The following RANBP2 variants were observed in gnomAD, a reference collection of about 807,000 sequenced individuals.
The protein encoded by RANBP2 is E3 SUMO-protein ligase RanBP2.
In RANBP2, 57 loss-of-function variants were observed where a neutral mutation model predicts 303.6. The observed-to-expected ratio is 0.19, with a 90% CI of 0.15 to 0.23. The LOEUF (loss-of-function observed/expected upper bound fraction) is 0.23. RANBP2 is among the 10% of genes least tolerant of loss of function. The probability of loss-of-function intolerance (pLI) is 1.00; values close to 1 mark genes in which losing one functional copy is unlikely to be tolerated. For missense variants in RANBP2, 3,138 were observed against 3,780.8 expected, an observed-to-expected ratio of 0.83 and a Z score of 4.46; for synonymous variants, 1,167 against 1,301.5, an observed-to-expected ratio of 0.90 and a Z score of 2.23.
At chr2:109,556,130 T>A in the RANBP2 span, among the ~76,000 whole-genome samples, 196 of 152,322 alleles carry the variant, frequency 1.3e-3, no homozygotes, top group African/African-American at 4.5e-3. Context: ...TTAACCAGCA[T>A]AACCAGCAGA....
the RANBP2 span, among the ~76,000 whole-genome samples, chr2:109,384,315 G>C: frequency 6.6e-6 from 1 of 152,218 alleles, no homozygotes; most frequent in African/African-American, 2.4e-5. Flanking sequence ...ACTCTCCGTG[G>C]AGAAAGTAAC....
chr2:109,527,009 C>T, the RANBP2 span, among the ~76,000 whole-genome samples: 1 of 152,214 alleles, frequency 6.6e-6, no homozygotes, highest in African/African-American at 2.4e-5. Flanking sequence ...CCATAAAGCT[C>T]ACACTTGACA....
At chr2:109,349,328 T>G in the RANBP2 span, among the ~76,000 whole-genome samples, 2 of 152,240 alleles carry the variant, frequency 1.3e-5, no homozygotes, top group African/African-American at 4.8e-5. Flanking sequence ...TCTCCCTTCC[T>G]TTTATCAAGG....
chr2:109,064,483 T>C, the RANBP2 span, among the ~76,000 whole-genome samples: 1 of 115,340 alleles, frequency 8.7e-6, no homozygotes. Context: ...AAAAACAAAC[T>C]GGTAAATGGC....
the RANBP2 span, chr2:109,437,086 A>C: frequency 1.9e-6 from 3 of 1,613,632 alleles, no homozygotes; most frequent in Non-Finnish European, 2.5e-6. Context: ...CCCAACAGGC[A>C]GCTGTCTACG....
At chr2:108,925,459 G>A in the RANBP2 span, among the ~76,000 whole-genome samples, 1 of 152,208 alleles carries the variant, frequency 6.6e-6, no homozygotes, top group African/African-American at 2.4e-5. Context: ...TTGAGCATGG[G>A]GAGGGTGGTG....
the RANBP2 span, among the ~76,000 whole-genome samples, chr2:108,949,144 A>AT: frequency 1.3e-3 from 202 of 151,606 alleles, no homozygotes; most frequent in African/African-American, 4.5e-3. Flanking sequence ...TGCCTGGGTA[A>AT]TTTTTTTTGT....
At chr2:109,539,967 G>A in the RANBP2 span, among the ~76,000 whole-genome samples, 1 of 152,260 alleles carries the variant, frequency 6.6e-6, no homozygotes, top group Non-Finnish European at 1.5e-5. Context: ...TTTGGCAGAT[G>A]ATGAAGGCTG....
chr2:109,015,839 G>A, the RANBP2 span, among the ~76,000 whole-genome samples: 1 of 152,174 alleles, frequency 6.6e-6, no homozygotes, highest in Non-Finnish European at 1.5e-5. Flanking sequence ...CTAATCAACT[G>A]TTTATGTTAT....
chr2:109,194,295 C>T, the RANBP2 span, among the ~76,000 whole-genome samples: 3 of 152,236 alleles, frequency 2.0e-5, no homozygotes, highest in Non-Finnish European at 4.4e-5. Flanking sequence ...GTGTTTCTTA[C>T]CTGCAGGGGA....
chr2:108,797,271 G>A, the RANBP2 span, among the ~76,000 whole-genome samples: 3 of 152,182 alleles, frequency 2.0e-5, no homozygotes, highest in Admixed American at 2.0e-4. Flanking sequence ...AGAAGCCATG[G>A]CCAGAGAGAG....
At chr2:109,462,053 G>T in the RANBP2 span, among the ~76,000 whole-genome samples, 2 of 151,780 alleles carry the variant, frequency 1.3e-5, no homozygotes, top group Admixed American at 1.3e-4. Flanking sequence ...GAGGTAGAAG[G>T]CCTTTGAATT....
the RANBP2 span, among the ~76,000 whole-genome samples, chr2:109,107,678 A>T: frequency 2.0e-5 from 3 of 152,204 alleles, no homozygotes; most frequent in Non-Finnish European, 4.4e-5. Flanking sequence ...AACAGAAAAG[A>T]AAGTTCAACA....
At chr2:109,553,187 T>A in the RANBP2 span, 3 of 1,614,156 alleles carry the variant, frequency 1.9e-6, no homozygotes, top group Non-Finnish European at 2.5e-6. Context: ...ACCATGGAAC[T>A]CATGTCTTTT....
chr2:108,748,486 G>T (rs1675566429), intron 8 of RANBP2, among the ~76,000 whole-genome samples: 1 of 151,074 alleles, frequency 6.6e-6, no homozygotes, highest in Admixed American at 6.6e-5. Context: ...CTCCCAAAGT[G>T]CTGGGATTAC....
At chr2:109,438,196 G>A in the RANBP2 span, among the ~76,000 whole-genome samples, 1 of 152,182 alleles carries the variant, frequency 6.6e-6, no homozygotes, top group Non-Finnish European at 1.5e-5. Flanking sequence ...CTTAGCTGAT[G>A]GGACAAGGGG....
the RANBP2 span, among the ~76,000 whole-genome samples, chr2:108,848,265 AG>A: frequency 6.6e-6 from 1 of 152,234 alleles, no homozygotes; most frequent in Non-Finnish European, 1.5e-5. Flanking sequence ...AAATGCAATA[AG>A]GGATATTTAT....
At chr2:108,771,486 AT>A (rs1391010181) in intron 20 of RANBP2, among the ~76,000 whole-genome samples, 2 of 152,230 alleles carry the variant, frequency 1.3e-5, no homozygotes, top group Non-Finnish European at 2.9e-5. Flanking sequence ...TTTTAAATAG[AT>A]TCTGTGTTCA....
At chr2:109,245,042 C>T in the RANBP2 span, among the ~76,000 whole-genome samples, 11 of 152,202 alleles carry the variant, frequency 7.2e-5, no homozygotes, top group African/African-American at 2.4e-4. Context: ...AGTGTTTAGT[C>T]CTGTTGTCTG....
Sources: gnomAD v4.1 joint callset for allele counts (sites outside exome capture counted in the v4.1 genomes callset) on GRCh38, gnomAD v4.1.1 for gene constraint, MANE v1.5 for transcripts, NCBI Gene and HGNC (gene_info 2026-07-23, HGNC 2026-07-21) for gene names.